Variants in KLHL21 observed in about 807,000 individuals in gnomAD.
The protein encoded by KLHL21 is kelch like family member 21, also known as kelch-like protein 21.
Under a neutral mutation model 44.1 loss-of-function variants are expected in KLHL21, and 42 were observed. The observed-to-expected ratio is 0.95, with a 90% confidence interval of 0.74 to 1.23. The LOEUF (loss-of-function observed/expected upper bound fraction) is 1.23, where lower values mean the gene tolerates loss of function less well. Ranked by LOEUF, KLHL21 falls within the 50% of genes most tolerant of loss-of-function variation. KLHL21 has a pLI of 0.00. For synonymous variants in KLHL21, 524 were observed against 411.6 expected (o/e 1.27, Z -3.31); for missense variants, 918 against 889.1 (o/e 1.03, Z -0.41).
At chr1:6,597,296 A>G (rs575190140) in intron 2 of KLHL21, among the ~76,000 whole-genome samples, 2 of 152,336 alleles carry the variant, frequency 1.3e-5, no homozygotes, top group Admixed American at 6.5e-5. Context: ...CCTGGCGCAC[A>G]TCTTCACATC....
chr1:6,601,908 C>G lies in KLHL21; in HGVS notation c.910G>C (p.Val304Leu), dbSNP rs1485879823. 1 of 1,565,004 alleles carries G rather than the reference C, an allele frequency of 6.4e-7. No individual in the cohort carries two copies. The highest frequency in any genetic ancestry group is 1.2e-5 in the South Asian group (1 of 85,226). ...CCCGTCTGCGGGTTGTAGCAGTCGA[C>G]AGTGACCAGCTCGTCACAGTCCTGG... ...CDQDCDELVT[V>L]DCYNPQTGQW... Residue 304 changes from valine to leucine, a missense_variant, in exon 1 of 4, where the codon GTC becomes CTC. Coordinates refer to ENST00000377658, the MANE Select transcript of KLHL21 (RefSeq NM_014851.4).
At chr1:6,599,732 C>A in intron 1 of KLHL21, 1 of 470,882 alleles carries the variant, frequency 2.1e-6, no homozygotes. Context: ...CTGGACACCG[C>A]CCCCCAGCCA....
Position 6,591,508 on chromosome 1 carries a change from T to C in KLHL21, c.*1857A>G, listed in dbSNP as rs1167839724. 1 of 152,890 alleles carries C rather than the reference T, an allele frequency of 6.5e-6. No individual in the cohort carries two copies. Among genetic ancestry groups the C allele is most frequent in the Non-Finnish European group, 1.5e-5 (1 of 68,536 alleles). The allele number at this position is 152,890 out of a possible 1,614,324, so 9.5% of individuals were successfully genotyped here. A position where few individuals can be genotyped will look rare whatever the true frequency, so the allele number is the denominator to read the frequency against. On this transcript the variant is annotated 3_prime_UTR_variant, in exon 4 of 4. Transcript: ENST00000377658. ...ACAGTCTGGACAGCATGTCCTTCCG[T>C]GGGTGCCCAGCTCAGTGCCTGGAAC...
intron 1 of KLHL21, among the ~76,000 whole-genome samples, chr1:6,600,468 C>T (rs898891363): frequency 6.6e-6 from 1 of 152,238 alleles, no homozygotes; most frequent in Non-Finnish European, 1.5e-5. Context: ...GGCTGTACCC[C>T]TTGGCCTCCC....
rs370458102 is a variant in KLHL21 at position 6,595,497 on chromosome 1, C to A, written c.1488G>T (p.Pro496=). 1 of 1,614,134 alleles carries A rather than the reference C, an allele frequency of 6.2e-7. No individual in the cohort carries two copies. The highest frequency in any genetic ancestry group is 8.5e-7 in the Non-Finnish European group (1 of 1,180,014). Residue 496 remains proline (P), a synonymous_variant, in exon 3 of 4, where the codon CCG becomes CCT. Transcript: ENST00000377658. ...CCTGAAAATTTACCTGATTCATGGA[C>A]GGGATCTTGTCCCATTCGTTCCTCG... ...NPTRNEWDKI[P]SMNQVHVGGS...
chr1:6,598,661 T>C (rs1640962396), intron 2 of KLHL21, among the ~76,000 whole-genome samples: 4 of 151,576 alleles, frequency 2.6e-5, no homozygotes, highest in African/African-American at 9.7e-5. Flanking sequence ...GGCGGACCGA[T>C]CATGAGGTCA....
chr1:6,601,871 T>C lies in KLHL21; in HGVS notation c.947A>G (p.Tyr316Cys). The C allele has an allele frequency of 1.3e-6, 2 of 1,575,166 alleles. No individual in the cohort carries two copies. The highest frequency in any genetic ancestry group is 1.7e-6 in the Non-Finnish European group (2 of 1,161,308). ...CYNPQTGQWR[Y>C]LAEFPDHLGG... is the part of the protein sequence containing the mutation. ...CAGGTGGTCTGGGAACTCGGCCAGG[T>C]AGCGCCACTGACCCGTCTGCGGGTT... Residue 316 changes from tyrosine (Y) to cysteine (C), a missense_variant, in exon 1 of 4, where the codon TAC (tyrosine) becomes TGC (cysteine). Tyr to Cys is a radical substitution (Grantham distance 194). Transcript: ENST00000377658.
At chr1:6,596,385 C>T (rs1362760002) in intron 2 of KLHL21, among the ~76,000 whole-genome samples, 3 of 152,142 alleles carry the variant, frequency 2.0e-5, no homozygotes, top group Non-Finnish European at 4.4e-5. Context: ...GAGCCAAGAG[C>T]GTGCTATTGC....
At position 6,593,311 on chromosome 1, in the gene KLHL21, CCCCGCAGA is replaced by C; in HGVS notation, c.*46_*53del. 6.7e-7 allele frequency: 1 copy of C among 1,495,602 alleles called. No individual in the cohort carries two copies. The highest frequency in any genetic ancestry group is 1.2e-5 in the South Asian group (1 of 80,618). 92.6% of individuals were successfully genotyped at this position (1,495,602 alleles called of 1,614,324 possible). A position where few individuals can be genotyped will look rare whatever the true frequency, so the allele number is the denominator to read the frequency against. ...TTGTGCACAAAGGAGTGGGGCACTG[CCCCGCAGA>C]GGTGCCAGTTACCTGCACCGAGGCC... On this transcript the variant is annotated 3_prime_UTR_variant, in exon 4 of 4. Transcript: ENST00000377658.
intron 1 of KLHL21, among the ~76,000 whole-genome samples, chr1:6,600,415 T>C (rs1051635969): frequency 6.6e-6 from 1 of 152,218 alleles, no homozygotes; most frequent in African/African-American, 2.4e-5. Flanking sequence ...ACACCAGGTC[T>C]ATTAGAAACC....
chr1:6,601,918 C>G lies in KLHL21; in HGVS notation c.900G>C (p.Glu300Asp), dbSNP rs1455905152. 1.9e-6 allele frequency: 3 copies of G among 1,563,332 alleles called. No homozygotes were observed. The highest frequency in any genetic ancestry group is 2.6e-6 in the Non-Finnish European group (3 of 1,154,590). Residue 300 changes from glutamate to aspartate, a missense_variant, in exon 1 of 4, where the codon GAG (glutamate) becomes GAC (aspartate). Glu to Asp is a conservative substitution (Grantham distance 45). Transcript: ENST00000377658. ...LVGGCDQDCD[E>D]LVTVDCYNPQ... ...GGTTGTAGCAGTCGACAGTGACCAGCTCGTCACAGTCCTGGTCGCAGCCGC... is the reference window on the plus strand; with the variant it reads ...GGTTGTAGCAGTCGACAGTGACCAGGTCGTCACAGTCCTGGTCGCAGCCGC...
rs147251785 is a variant in KLHL21 at position 6,595,547 on chromosome 1, C to T, written c.1438G>A (p.Ala480Thr). The T allele has an allele frequency of 1.2e-5, 19 of 1,613,734 alleles. No individual in the cohort carries two copies. Among genetic ancestry groups the T allele is most frequent in the South Asian group, 8.8e-5 (8 of 91,034 alleles). The change falls in exon 3 of 4, where the codon GCT becomes ACT. Residue 480 changes from alanine to threonine, a missense_variant. Ala to Thr is a moderately conservative substitution (Grantham distance 58). Coordinates refer to ENST00000377658, the MANE Select transcript of KLHL21 (RefSeq NM_014851.4). The part of the protein sequence containing the change: ...GLMYFVRDDS[A>T]EVDVYNPTRN... ...GTCGGGTTGTACACGTCCACCTCAG[C>T]GGAGTCATCCCTGTGGAGGGGGCAG...
rs908243025 is a variant in KLHL21, at chr1:6,593,158, C to T, written c.*207G>A. The T allele has an allele frequency of 5.4e-6, 3 of 554,072 alleles. No individual in the cohort carries two copies. In the African/African-American group the frequency reaches 5.6e-5, roughly 10 times the overall value. The allele number at this position is 554,072 out of a possible 1,614,324, so 34.3% of individuals were successfully genotyped here. ...TGGCAGGAAAGTGGCTCTTCCTCAA[C>T]TGCAGGGAGGGCGTTCCCGACGGCC... On this transcript the variant is annotated 3_prime_UTR_variant, in exon 4 of 4. Coordinates refer to ENST00000377658, the MANE Select transcript of KLHL21 (RefSeq NM_014851.4).
At position 6,599,036 on chromosome 1, in the gene KLHL21, C is replaced by G; in HGVS notation, c.1427+11G>C. 1 of 1,562,004 alleles carries G rather than the reference C, an allele frequency of 6.4e-7. No individual in the cohort carries two copies. The highest frequency in any genetic ancestry group is 1.2e-5 in the South Asian group (1 of 83,004). On this transcript the variant is annotated intron_variant, in intron 2 of 3. Transcript: ENST00000377658. ...CCAAACACACAGTGGGGCTCGGCACCTGGAACTCACCTGACAAAGTACATG... is the reference window on the plus strand; with the variant it reads ...CCAAACACACAGTGGGGCTCGGCACGTGGAACTCACCTGACAAAGTACATG...
At chr1:6,595,611 C>G in intron 2 of KLHL21, 54 bp from the exon 3 acceptor site, 2 of 1,486,792 alleles carry the variant, frequency 1.3e-6, no homozygotes, top group South Asian at 1.2e-5. Flanking sequence ...GAAGTGCACA[C>G]ATGCAGGGCT....
rs543043222 is a variant in KLHL21, at chr1:6,601,038, C to G, written c.1021+759G>C. ...CTCCTTGCCTGATAACCGCCTCACA[C>G]GCCTGCCTGGTGGGTTCTTTCCTTA... is the stretch of plus-strand genomic sequence containing the variant. On this transcript the variant is annotated intron_variant, in intron 1 of 3. Coordinates refer to ENST00000377658, the MANE Select transcript of KLHL21 (RefSeq NM_014851.4). Among the ~76,000 whole-genome samples, 7 of 152,352 alleles carry G rather than the reference C, an allele frequency of 4.6e-5. No individual in the cohort carries two copies. The East Asian group carries it at 1.3e-3, about 29-fold the overall frequency.
chr1:6,600,717 A>G (rs1641004583), intron 1 of KLHL21, among the ~76,000 whole-genome samples: 1 of 152,248 alleles, frequency 6.6e-6, no homozygotes, highest in South Asian at 2.1e-4. Context: ...CAGTGTGGCC[A>G]GTTCTGGGAA....
chr1:6,594,154 TTAAGCTGTGATG>T (rs1333164065), intron 3 of KLHL21: 14 of 864,308 alleles, frequency 1.6e-5, no homozygotes, highest in Non-Finnish European at 1.9e-5. Flanking sequence ...TGCCAGGACA[TTAAGCTGTGATG>T]TAAGCTGTGA....
rs768191181 is a variant in KLHL21 at position 6,602,461 on chromosome 1, C to T, written c.357G>A (p.Pro119=). The change falls in exon 1 of 4, where the codon CCG becomes CCA. Residue 119 remains proline, a synonymous_variant. Transcript: ENST00000377658. ...LLRAADLLQF[P]AVKEACGAFL... ...AGGCCCCGCACGCCTCCTTCACGGC[C>T]GGGAACTGCAGCAGGTCGGCGGCGC... 1.9e-6 allele frequency: 3 copies of T among 1,577,510 alleles called. No individual in the cohort carries two copies. Among genetic ancestry groups the T allele is most frequent in the East Asian group, 4.7e-5 (2 of 42,986 alleles).
Sources: gnomAD v4.1 joint callset for allele counts (sites outside exome capture counted in the v4.1 genomes callset) on GRCh38, gnomAD v4.1.1 for gene constraint, MANE v1.5 for transcripts, NCBI Gene and HGNC (gene_info 2026-07-23, HGNC 2026-07-21) for gene names.